Variants in TMEM217B observed in about 807,000 individuals in gnomAD.
TMEM217B encodes putative transmembrane protein 217B.
chr6:37,257,091 T>C, the TMEM217B span, among the ~76,000 whole-genome samples: 3 of 152,174 alleles, frequency 2.0e-5, no homozygotes, highest in African/African-American at 4.8e-5. Context: ...GAAATGGTAT[T>C]TGGTAATCTG....
the TMEM217B span, among the ~76,000 whole-genome samples, chr6:37,219,827 G>A: frequency 6.6e-6 from 1 of 152,142 alleles, no homozygotes; most frequent in Non-Finnish European, 1.5e-5. Flanking sequence ...GTTCAGACCT[G>A]AGTACAGATG....
At chr6:37,217,479 T>C in the TMEM217B span, among the ~76,000 whole-genome samples, 67 of 152,338 alleles carry the variant, frequency 4.4e-4, no homozygotes, top group Middle Eastern at 6.8e-3. Flanking sequence ...CATTTTTGTA[T>C]ACAGTATATA....
At chr6:37,228,615 A>T in the TMEM217B span, among the ~76,000 whole-genome samples, 2 of 152,056 alleles carry the variant, frequency 1.3e-5, no homozygotes, top group Non-Finnish European at 2.9e-5. Flanking sequence ...GAGAGAGGAG[A>T]ATTGCTTTAA....
At chr6:37,229,302 G>T in the TMEM217B span, among the ~76,000 whole-genome samples, 1 of 140,516 alleles carries the variant, frequency 7.1e-6, no homozygotes, top group African/African-American at 2.7e-5. Flanking sequence ...ACAGGACTTT[G>T]GAAAATCTGA....
chr6:37,244,261 GT>G, the TMEM217B span, among the ~76,000 whole-genome samples: 5 of 152,230 alleles, frequency 3.3e-5, no homozygotes, highest in African/African-American at 1.2e-4. Flanking sequence ...GAATCTGGAG[GT>G]TAGAAGCAAG....
the TMEM217B span, among the ~76,000 whole-genome samples, chr6:37,242,321 C>G: frequency 2.0e-5 from 3 of 152,214 alleles, no homozygotes; most frequent in Non-Finnish European, 4.4e-5. Context: ...TCTATTCCCC[C>G]CAAGGGAAGG....
chr6:37,257,870 C>G, the TMEM217B span: 1 of 1,597,522 alleles, frequency 6.3e-7, no homozygotes, highest in Non-Finnish European at 8.5e-7. Context: ...GGGCATCTCG[C>G]CGGGCAAACC....
the TMEM217B span, among the ~76,000 whole-genome samples, chr6:37,230,560 C>T: frequency 6.6e-6 from 1 of 152,040 alleles, no homozygotes; most frequent in Non-Finnish European, 1.5e-5. Context: ...CACAGACACA[C>T]AGAGAGGGAT....
chr6:37,226,729 T>A, the TMEM217B span, among the ~76,000 whole-genome samples: 1 of 151,958 alleles, frequency 6.6e-6, no homozygotes, highest in Non-Finnish European at 1.5e-5. Context: ...ACCCAGCTAA[T>A]TTTTTTGTAT....
chr6:37,257,240 A>G, the TMEM217B span, among the ~76,000 whole-genome samples: 1 of 152,234 alleles, frequency 6.6e-6, no homozygotes, highest in Non-Finnish European at 1.5e-5. Flanking sequence ...TTCAATAAAC[A>G]GAGGGAGAGG....
the TMEM217B span, chr6:37,218,741 T>G: frequency 2.5e-6 from 4 of 1,614,122 alleles, no homozygotes. Context: ...CCAGACAATG[T>G]AGATGACCAG....
the TMEM217B span, among the ~76,000 whole-genome samples, chr6:37,229,716 T>C: frequency 6.6e-6 from 1 of 152,196 alleles, no homozygotes; most frequent in Non-Finnish European, 1.5e-5. Context: ...GTTACAGCCA[T>C]CTATAGATTT....
At chr6:37,221,496 G>C in the TMEM217B span, among the ~76,000 whole-genome samples, 6 of 152,076 alleles carry the variant, frequency 3.9e-5, no homozygotes, top group African/African-American at 1.4e-4. Context: ...CATGTAAGTA[G>C]AATCTTATAG....
At chr6:37,215,247 A>C in the TMEM217B span, 5 of 1,614,014 alleles carry the variant, frequency 3.1e-6, no homozygotes, top group South Asian at 3.3e-5. Flanking sequence ...TGAGCTTGGC[A>C]CTGGAGACAG....
chr6:37,242,784 T>A, the TMEM217B span, among the ~76,000 whole-genome samples: 5 of 152,204 alleles, frequency 3.3e-5, no homozygotes, highest in African/African-American at 1.2e-4. Flanking sequence ...GGGCTCTAGG[T>A]TGGCATCTGT....
At chr6:37,229,335 G>GTTTTTTGT in the TMEM217B span, among the ~76,000 whole-genome samples, 1 of 74,368 alleles carries the variant, frequency 1.3e-5, no homozygotes, top group Middle Eastern at 0.017. Flanking sequence ...GCAACTTTCA[G>GTTTTTTGT]TTTTTTTTTT....
chr6:37,214,479 G>A, the TMEM217B span, among the ~76,000 whole-genome samples: 2 of 151,962 alleles, frequency 1.3e-5, no homozygotes, highest in Non-Finnish European at 2.9e-5. Context: ...TGCCCGCCTC[G>A]GCCTCCCAAA....
At chr6:37,240,354 T>G in the TMEM217B span, among the ~76,000 whole-genome samples, 2 of 152,198 alleles carry the variant, frequency 1.3e-5, no homozygotes, top group African/African-American at 2.4e-5. Flanking sequence ...CCAAGCTCGC[T>G]CTCTCTGACT....
chr6:37,247,750 A>G, the TMEM217B span, among the ~76,000 whole-genome samples: 1 of 152,158 alleles, frequency 6.6e-6, no homozygotes, highest in Non-Finnish European at 1.5e-5. Flanking sequence ...TCTGAGAAAC[A>G]CACACCTCAG....
Sources: allele counts gnomAD v4.1 joint callset (sites outside exome capture counted in the v4.1 genomes callset), GRCh38; gene constraint gnomAD v4.1.1; transcripts MANE v1.5; gene names NCBI Gene and HGNC (gene_info 2026-07-23, HGNC 2026-07-21).